The following MS4A2 variants were observed in gnomAD, a reference collection of about 807,000 sequenced individuals.
The protein encoded by MS4A2 is membrane spanning 4-domains A2.
In MS4A2, 26 loss-of-function variants were observed where a neutral mutation model predicts 27.9. The observed-to-expected ratio is 0.93, with a 90% CI of 0.68 to 1.29. The LOEUF (loss-of-function observed/expected upper bound fraction) is 1.29. Ranked by LOEUF, MS4A2 falls within the 50% of genes most tolerant of loss-of-function variation. The probability of loss-of-function intolerance (pLI) is 0.00; values close to 1 mark genes in which losing one functional copy is unlikely to be tolerated. For missense variants in MS4A2, 284 were observed against 284.6 expected, an observed-to-expected ratio of 1.00 and a Z score of 0.01; for synonymous variants, 110 against 98.8, an observed-to-expected ratio of 1.11 and a Z score of -0.67.
At position 60,097,964 on chromosome 11, in the gene MS4A2, T is replaced by C. The variant is rs929185792; in HGVS notation, c.*2308T>C. On this transcript the variant is annotated 3_prime_UTR_variant, in exon 7 of 7. Coordinates refer to ENST00000278888, the MANE Select transcript of MS4A2 (RefSeq NM_000139.5). ...TGATCATCTGTAGGTATTAATCACA[T>C]CACTTCCATGGCATGGATGTTCACA... The C allele has an allele frequency of 6.6e-6, 1 of 152,230 alleles. No individual in the cohort carries two copies. Among genetic ancestry groups the C allele is most frequent in the Non-Finnish European group, 1.5e-5 (1 of 68,032 alleles). The allele number at this position is 152,230 out of a possible 1,614,324, so 9.4% of individuals were successfully genotyped here.
At chr11:60,091,104 T>A (rs1480984741) in intron 3 of MS4A2, among the ~76,000 whole-genome samples, 1 of 152,146 alleles carries the variant, frequency 6.6e-6, no homozygotes, top group South Asian at 2.1e-4. Flanking sequence ...TGAGCTGAGA[T>A]TGTGCCATTG....
At position 60,093,445 on chromosome 11, in the gene MS4A2, G is replaced by T. The variant is rs1565075303; in HGVS notation, c.424G>T (p.Gly142Ter). 5 of 1,614,170 alleles carry T rather than the reference G, an allele frequency of 3.1e-6. No individual in the cohort carries two copies. In the African/African-American group the frequency reaches 6.7e-5, roughly 22 times the overall value. ...GANTASSIAG[G>*]TGITILIINL... ...AAACACTGCCAGCAGCATAGCTGGG[G>T]GAACGGGAATTACCATCCTGATCAT... is the stretch of plus-strand genomic sequence containing the variant. Residue 142 changes from glycine to a stop codon, truncating the protein, a stop_gained, in exon 5 of 7, where the codon GGA (glycine) becomes TGA (stop). Coordinates refer to ENST00000278888, the MANE Select transcript of MS4A2 (RefSeq NM_000139.5). LOFTEE classifies it high-confidence loss of function.
rs1423515208 is a variant in MS4A2 at position 60,095,832 on chromosome 11, CTTCT to C, written c.*177_*180del. 1.6e-6 allele frequency: 1 copy of C among 626,506 alleles called. No individual in the cohort carries two copies. The highest frequency in any genetic ancestry group is 2.6e-5 in the Admixed American group (1 of 38,050). The allele number at this position is 626,506 out of a possible 1,614,324, so 38.8% of individuals were successfully genotyped here. ...TGCTTCTGTCCACCTTAATATTCTC[CTTCT>C]ATTTGTAGATATGATAGACTCCTAT... is the stretch of plus-strand genomic sequence containing the variant. On this transcript the variant is annotated 3_prime_UTR_variant, in exon 7 of 7. Coordinates refer to ENST00000278888, the MANE Select transcript of MS4A2 (RefSeq NM_000139.5).
intron 6 of MS4A2, 23 bp downstream of exon 6, chr11:60,094,085 A>G: frequency 1.3e-6 from 2 of 1,509,352 alleles, no homozygotes; most frequent in African/African-American, 2.7e-5. Context: ...CCGATATAAA[A>G]TCTTGAATGA....
chr11:60,092,981 A>G, intron 4 of MS4A2, 133 bp downstream of exon 4: 2 of 924,824 alleles, frequency 2.2e-6, no homozygotes, highest in Admixed American at 2.1e-5. Context: ...GTTTCAATCT[A>G]TTTTGTGTCC....
At chr11:60,089,369 A>G (rs1855714437) in intron 1 of MS4A2, among the ~76,000 whole-genome samples, 2 of 152,212 alleles carry the variant, frequency 1.3e-5, no homozygotes, top group African/African-American at 2.4e-5. Flanking sequence ...TGTGAGATGC[A>G]TAGGTAAATG....
chr11:60,093,422 A>G lies in MS4A2; in HGVS notation c.401A>G (p.Asn134Ser). 1 of 1,614,186 alleles carries G rather than the reference A, an allele frequency of 6.2e-7. No homozygotes were observed. Among genetic ancestry groups the G allele is most frequent in the South Asian group, 1.1e-5 (1 of 91,080 alleles). ...CAGGTGAGAGGAAGCCTGGGAGCAA[A>G]CACTGCCAGCAGCATAGCTGGGGGA... ...TYLVRGSLGA[N>S]TASSIAGGTG... Residue 134 changes from asparagine (N) to serine (S), a missense_variant, in exon 5 of 7, where the codon AAC becomes AGC. Transcript: ENST00000278888.
chr11:60,088,588 T>G, upstream of MS4A2: 1 of 1,443,736 alleles, frequency 6.9e-7, no homozygotes, highest in Non-Finnish European at 9.1e-7. Context: ...AAAAGCCTGT[T>G]GATCTTAATC....
Position 60,088,811 on chromosome 11 carries a change from GA to G in MS4A2, c.47del (p.Glu16GlyfsTer24). On this transcript the variant is annotated frameshift_variant, in exon 1 of 7. Transcript: ENST00000278888. LOFTEE classifies it high-confidence loss of function. ...GAGAGCAAATCTTGCTCTCCCACAGGAGCCTTCCAGGTAGGTACAAGGTATT... is the reference window on the plus strand; with the variant it reads ...GAGAGCAAATCTTGCTCTCCCACAGGGCCTTCCAGGTAGGTACAAGGTATT... ...NRRANLALPQ[E>X]PSSVPAFEVL... 1 of 1,611,168 alleles carries G rather than the reference GA, an allele frequency of 6.2e-7. No individual in the cohort carries two copies. The highest frequency in any genetic ancestry group is 8.5e-7 in the Non-Finnish European group (1 of 1,178,306).
intron 1 of MS4A2, among the ~76,000 whole-genome samples, chr11:60,089,379 G>A (rs988323599): frequency 2.0e-5 from 3 of 152,190 alleles, no homozygotes; most frequent in Non-Finnish European, 4.4e-5. Context: ...ATAGGTAAAT[G>A]TGTTTATTTT....
Position 60,092,843 on chromosome 11 carries a change from T to A in MS4A2, c.373T>A (p.Tyr125Asn). Reference sequence around the variant, plus strand: ...TATATCTGAAAGGAGAAATGCAACATATCTGGTGAGTTGCCCGTTTCTGTC... The same window carrying A: ...TATATCTGAAAGGAGAAATGCAACAAATCTGGTGAGTTGCCCGTTTCTGTC... ...SIISERRNAT[Y>N]LVRGSLGANT... The change falls in exon 4 of 7, where the codon TAT becomes AAT. Residue 125 changes from tyrosine (Y) to asparagine (N), a missense_variant. Physicochemically the swap from Tyr to Asn is moderately radical, Grantham distance 143. Transcript: ENST00000278888. 6.2e-7 allele frequency: 1 copy of A among 1,613,502 alleles called. No individual in the cohort carries two copies. The highest frequency in any genetic ancestry group is 8.5e-7 in the Non-Finnish European group (1 of 1,179,514).
At chr11:60,095,427 A>G in intron 6 of MS4A2, 131 bp from the exon 7 acceptor site, 1 of 695,504 alleles carries the variant, frequency 1.4e-6, no homozygotes, top group Non-Finnish European at 2.6e-6. Context: ...AATGAAAGAA[A>G]TAATCAGAGT....
intron 5 of MS4A2, 63 bp from the exon 6 acceptor site, chr11:60,093,901 A>C: frequency 2.3e-6 from 3 of 1,322,378 alleles, no homozygotes; most frequent in Non-Finnish European, 2.2e-6. Flanking sequence ...GCTATAAGAA[A>C]ATAAACTTTT....
Position 60,097,196 on chromosome 11 carries a change from G to A in MS4A2, c.*1540G>A, listed in dbSNP as rs1855884333. ...GCCTATAATTGGAGGGAAAAACTAA[G>A]GATAAAATCTAGCCTAGAAGATACA... On this transcript the variant is annotated 3_prime_UTR_variant, in exon 7 of 7. Transcript: ENST00000278888. 6.6e-6 allele frequency: 1 copy of A among 152,162 alleles called. No homozygotes were observed. The highest frequency in any genetic ancestry group is 2.4e-5 in the African/African-American group (1 of 41,440). 9.4% of individuals were successfully genotyped at this position (152,162 alleles called of 1,614,324 possible). A position where few individuals can be genotyped will look rare whatever the true frequency, so the allele number is the denominator to read the frequency against.
In MS4A2 at chr11:60,098,265, T is replaced by C. The variant is rs1185385193; in HGVS notation, c.*2609T>C. The stretch of plus-strand genomic sequence containing the variant: ...TTCACACTATCACTGCCCCAAATTG[T>C]CTTTCTAAATTTCAACTTCAATGTC... On this transcript the variant is annotated 3_prime_UTR_variant, in exon 7 of 7. Transcript: ENST00000278888. The C allele has an allele frequency of 2.0e-5, 3 of 152,164 alleles. No homozygotes were observed. The highest frequency in any genetic ancestry group is 7.2e-5 in the African/African-American group (3 of 41,440). The allele number at this position is 152,164 out of a possible 1,614,324, so 9.4% of individuals were successfully genotyped here. A position where few individuals can be genotyped will look rare whatever the true frequency, so the allele number is the denominator to read the frequency against.
At chr11:60,093,311 TG>T in intron 4 of MS4A2, 88 bp from the exon 5 acceptor site, 1 of 1,545,938 alleles carries the variant, frequency 6.5e-7, no homozygotes, top group Non-Finnish European at 8.9e-7. Flanking sequence ...TGGAATTTAC[TG>T]GATGCATCCA....
chr11:60,092,921 A>G, intron 4 of MS4A2, 73 bp downstream of exon 4: 2 of 1,412,388 alleles, frequency 1.4e-6, no homozygotes, highest in Non-Finnish European at 2.0e-6. Context: ...GTCTTAAGGG[A>G]AACACATCTT....
chr11:60,090,761 C>T (rs1218742562), intron 3 of MS4A2, among the ~76,000 whole-genome samples: 1 of 152,140 alleles, frequency 6.6e-6, no homozygotes, highest in Admixed American at 6.5e-5. Context: ...AGTAATTGAA[C>T]CTAAACTTTC....
In MS4A2 at chr11:60,096,727, CA is replaced by C. The variant is rs566240229; in HGVS notation, c.*1081del. The C allele has an allele frequency of 1.3e-4, 19 of 147,098 alleles. No homozygotes were observed. The highest frequency in any genetic ancestry group is 3.4e-3 in the Middle Eastern group (1 of 290). 9.1% of individuals were successfully genotyped at this position (147,098 alleles called of 1,614,324 possible). ...TGAAACCCCGTCTCTACTAAAAATA[CA>C]AAAAAAAAATTAGCTGGGTGTGGTG... On this transcript the variant is annotated 3_prime_UTR_variant, in exon 7 of 7. Coordinates refer to ENST00000278888, the MANE Select transcript of MS4A2 (RefSeq NM_000139.5).
Sources: gnomAD v4.1 joint callset for allele counts (sites outside exome capture counted in the v4.1 genomes callset) on GRCh38, gnomAD v4.1.1 for gene constraint, MANE v1.5 for transcripts, NCBI Gene and HGNC (gene_info 2026-07-23, HGNC 2026-07-21) for gene names.